Variants in SRP72 observed in about 807,000 individuals in gnomAD.
SRP72 encodes the protein signal recognition particle subunit SRP72.
SRP72 carries 49 observed loss-of-function variants against 96.3 expected under a neutral mutation model. The observed-to-expected ratio is 0.51, with a 90% CI of 0.40 to 0.65. The LOEUF (loss-of-function observed/expected upper bound fraction) is 0.65. Ranked by LOEUF, SRP72 falls within the 30% of genes least tolerant of loss-of-function variation. SRP72 has a pLI of 0.00. For synonymous variants in SRP72, 267 were observed against 275.2 expected, an observed-to-expected ratio of 0.97 and a Z score of 0.30; for missense variants, 736 against 793.3, an observed-to-expected ratio of 0.93 and a Z score of 0.87.
chr4:56,469,261 A>G (rs2110110060), intron 1 of SRP72, among the ~76,000 whole-genome samples: 1 of 152,318 alleles, frequency 6.6e-6, no homozygotes, highest in East Asian at 1.9e-4. Flanking sequence ...AACCTAGGTC[A>G]TTTGCTTCCA....
chr4:56,478,293 G>A (rs967009809), intron 6 of SRP72, 86 bp from the exon 7 acceptor site: 12 of 1,360,248 alleles, frequency 8.8e-6, no homozygotes, highest in Non-Finnish European at 1.2e-5. Flanking sequence ...CTTCAGGATT[G>A]TATCTCTTTT....
At chr4:56,476,539 A>G in intron 5 of SRP72, 132 bp from the exon 6 acceptor site, 10 of 929,088 alleles carry the variant, frequency 1.1e-5, no homozygotes, top group Non-Finnish European at 1.5e-5. Context: ...GCTAATGTAA[A>G]TTTCACAACT....
intron 8 of SRP72, 95 bp from the exon 9 acceptor site, chr4:56,483,044 C>G: frequency 8.4e-7 from 1 of 1,184,374 alleles, no homozygotes. Flanking sequence ...TAGATAGATT[C>G]AAGCTCTCCT....
chr4:56,495,120 C>G (rs1226084794), intron 16 of SRP72, among the ~76,000 whole-genome samples: 1 of 152,202 alleles, frequency 6.6e-6, no homozygotes, highest in South Asian at 2.1e-4. Context: ...TAAACAGAAT[C>G]TGTTTTCGAA....
At chr4:56,501,615 T>C (rs1721264121) in intron 18 of SRP72, 69 bp from the exon 19 acceptor site, 7 of 1,385,410 alleles carry the variant, frequency 5.1e-6, no homozygotes, top group Non-Finnish European at 7.0e-6. Context: ...GTAAAACCCA[T>C]GTACATACAT....
rs183058610 is a variant in SRP72, at chr4:56,472,328, A to G, written c.354+485A>G. 4.5e-3 allele frequency among the ~76,000 whole-genome samples: 670 copies of G among 150,302 alleles called. 10 individuals carry two copies. Among genetic ancestry groups the G allele is most frequent in the African/African-American group, 0.016 (634 of 40,866 alleles). On this transcript the variant is annotated intron_variant, in intron 3 of 18. Transcript: ENST00000642900. ...CAGAAATGTGTATCTTACAGCTAGC[A>G]AAACCCTCTTAAAGTTTTTCTTTTT...
At chr4:56,487,479 TTTTG>T (rs1413208867) in intron 11 of SRP72, among the ~76,000 whole-genome samples, 5 of 152,208 alleles carry the variant, frequency 3.3e-5, no homozygotes, top group Non-Finnish European at 5.9e-5. Context: ...TGTCATGGTT[TTTTG>T]TTTGTTTTTA....
Position 56,483,231 on chromosome 4 carries a change from A to G in SRP72, c.918A>G (p.Ile306Met). 6.2e-7 allele frequency: 1 copy of G among 1,612,920 alleles called. No homozygotes were observed. Residue 306 changes from isoleucine (I) to methionine (M), a missense_variant, in exon 9 of 19, where the codon ATA becomes ATG. Ile to Met is a conservative substitution (Grantham distance 10). This residue lies in a region of SRP72 where 388 missense variants were observed against 431.8 expected (regional missense o/e 0.90). Coordinates refer to ENST00000642900, the MANE Select transcript of SRP72 (RefSeq NM_006947.4). ...TTTCCAAGAAACAACTACAAGCTATAGAATTTAACAAAGCTTTACTTGCTA... is the reference window on the plus strand; with the variant it reads ...TTTCCAAGAAACAACTACAAGCTATGGAATTTAACAAAGCTTTACTTGCTA... Reference protein sequence around the residue: ...FKLSKKQLQAIEFNKALLAMY... With the variant: ...FKLSKKQLQAMEFNKALLAMY...
chr4:56,470,314 G>C (rs912164873), intron 2 of SRP72, among the ~76,000 whole-genome samples: 2 of 152,122 alleles, frequency 1.3e-5, no homozygotes, highest in South Asian at 2.1e-4. Flanking sequence ...GCCTAAGAGG[G>C]CGGATCACGA....
chr4:56,475,881 ATATTCATAAGAACAGAAATT>A (rs1720198914), intron 5 of SRP72: 1 of 152,228 alleles, frequency 6.6e-6, no homozygotes, highest in Non-Finnish European at 1.5e-5. Flanking sequence ...CATTGAAGGA[ATATTCATAAGAACAGAAATT>A]TAGAAACAGC....
intron 10 of SRP72, 149 bp downstream of exon 10, chr4:56,485,013 C>G: frequency 5.2e-6 from 5 of 969,560 alleles, no homozygotes; most frequent in East Asian, 2.8e-5. Context: ...TTAGTTAACT[C>G]TTGGGTTACA....
At chr4:56,487,480 T>G (rs1560684254) in intron 11 of SRP72, among the ~76,000 whole-genome samples, 1 of 152,182 alleles carries the variant, frequency 6.6e-6, no homozygotes, top group East Asian at 1.9e-4. Context: ...GTCATGGTTT[T>G]TTGTTTGTTT....
Position 56,474,057 on chromosome 4 carries a change from T to C in SRP72, c.358T>C (p.Tyr120His), listed in dbSNP as rs570343914. The change falls in exon 4 of 19, where the codon TAC becomes CAC. Residue 120 changes from tyrosine to histidine, a missense_variant. Tyr to His is a moderately conservative substitution (Grantham distance 83, BLOSUM62 2). Transcript: ENST00000642900. ...TTACTTGCTATTTATTATTCAGTTATACCGTTTGGAACGCTATGATGAATG... is the reference window on the plus strand; with the variant it reads ...TTACTTGCTATTTATTATTCAGTTACACCGTTTGGAACGCTATGATGAATG... ...KLKELYGQVL[Y>H]RLERYDECLA... The C allele has an allele frequency of 7.4e-6, 12 of 1,612,278 alleles. No individual in the cohort carries two copies. In the East Asian group the frequency reaches 2.0e-4, roughly 27 times the overall value.
chr4:56,467,881 G>C, intron 1 of SRP72, 137 bp downstream of exon 1: 1 of 893,066 alleles, frequency 1.1e-6, no homozygotes, highest in Non-Finnish European at 1.6e-6. Context: ...TGTCCGCCCG[G>C]CTCGGGCCCT....
chr4:56,494,570 ATTT>A (rs1192692316), intron 16 of SRP72, among the ~76,000 whole-genome samples: 1 of 151,636 alleles, frequency 6.6e-6, no homozygotes, highest in African/African-American at 2.4e-5. Context: ...CACCCAACTA[ATTT>A]TTGTATTTTT....
intron 2 of SRP72, among the ~76,000 whole-genome samples, chr4:56,470,646 G>A (rs1002125036): frequency 3.9e-5 from 6 of 152,042 alleles, no homozygotes; most frequent in Non-Finnish European, 7.4e-5. Flanking sequence ...TATTTGAGGC[G>A]TATAAATGTG....
At chr4:56,488,054 G>T in intron 12 of SRP72, 41 bp downstream of exon 12, 1 of 1,420,826 alleles carries the variant, frequency 7.0e-7, no homozygotes, top group South Asian at 1.2e-5. Context: ...TAGTTGAATT[G>T]ATAATTTGTA....
At chr4:56,496,244 C>T (rs1028025589) in intron 17 of SRP72, among the ~76,000 whole-genome samples, 12 of 152,208 alleles carry the variant, frequency 7.9e-5, no homozygotes, top group African/African-American at 2.9e-4. Flanking sequence ...TCTCTGCCGT[C>T]TTAGGATACA....
chr4:56,478,314 G>T (rs1332547296), intron 6 of SRP72, 65 bp from the exon 7 acceptor site: 3 of 1,476,626 alleles, frequency 2.0e-6, no homozygotes, highest in Admixed American at 2.4e-5. Context: ...GAATGTTTGG[G>T]TCATTTGGAA....
Sources: gnomAD v4.1 joint callset for allele counts (sites outside exome capture counted in the v4.1 genomes callset) on GRCh38, gnomAD v4.1.1 for gene constraint, gnomAD v4.1.1 regional missense constraint, MANE v1.5 for transcripts, NCBI Gene and HGNC (gene_info 2026-07-23, HGNC 2026-07-21) for gene names.